PER2: variants seen among roughly 807,000 people sequenced by gnomAD.
PER2 encodes period circadian protein homolog 2.
A neutral mutation model predicts 121.0 loss-of-function variants in PER2; 66 were observed. The ratio of observed to expected loss-of-function variants is 0.55; its 90% CI spans 0.45 to 0.67. The LOEUF is 0.67. PER2 is among the 30% of genes least tolerant of loss of function. PER2 has a pLI of 0.00. For synonymous variants in PER2, 684 were observed against 659.9 expected, an observed-to-expected ratio of 1.04 and a Z score of -0.56; for missense variants, 1,521 against 1,635.0, an observed-to-expected ratio of 0.93 and a Z score of 1.20.
At position 238,277,877 on chromosome 2, in the gene PER2, C is replaced by T. The variant is rs1696505243; in HGVS notation, c.60G>A (p.Glu20=). The T allele has an allele frequency of 4.3e-6, 7 of 1,614,166 alleles. No homozygotes were observed. The highest frequency in any genetic ancestry group is 5.1e-6 in the Non-Finnish European group (6 of 1,180,032). The stretch of plus-strand genomic sequence containing the variant: ...GCAGTGGGACCTGGCTGGGCTGGGG[C>T]TCCACGGGCTCCTTGGTGGGGTTAC... ...SPSNPTKEPV[E]PQPSQVPLQE... The change falls in exon 2 of 23, where the codon GAG becomes GAA. Residue 20 remains glutamate, a synonymous_variant. Transcript: ENST00000254657.
rs147018891 is a variant in PER2, at chr2:238,273,130, C to T, written c.510G>A (p.Val170=). 26 of 1,612,724 alleles carry T rather than the reference C, an allele frequency of 1.6e-5. No homozygotes were observed. The African/African-American group carries it at 2.9e-4, about 18-fold the overall frequency. ...CCATCTCCTCCACGGTGTAGGAGGG[C>T]ACGTCTGCTCCACAGGGGTGACCCT... ...SSEGHPCGAD[V]PSYTVEEMES... The change falls in exon 5 of 23, where the codon GTG becomes GTA. Residue 170 remains valine (V), a synonymous_variant. Coordinates refer to ENST00000254657, the MANE Select transcript of PER2 (RefSeq NM_022817.3).
intron 11 of PER2, 35 bp from the exon 12 acceptor site, chr2:238,261,872 C>A (rs375864702): frequency 6.9e-7 from 1 of 1,456,346 alleles, no homozygotes; most frequent in African/African-American, 1.4e-5. Context: ...TAGATGGGGC[C>A]CCACAGGAGG....
intron 1 of PER2, among the ~76,000 whole-genome samples, chr2:238,282,993 C>A (rs1022925271): frequency 3.3e-5 from 5 of 152,234 alleles, no homozygotes; most frequent in Admixed American, 1.3e-4. Flanking sequence ...GAGGCTGGCA[C>A]TGGGCATCTC....
At position 238,268,510 on chromosome 2, in the gene PER2, G is replaced by C. The variant is rs1402709232; in HGVS notation, c.825-312C>G. 2.6e-5 allele frequency among the ~76,000 whole-genome samples: 4 copies of C among 152,226 alleles called. No homozygotes were observed. The highest frequency in any genetic ancestry group is 9.6e-5 in the African/African-American group (4 of 41,454). On this transcript the variant is annotated intron_variant, in intron 7 of 22. Coordinates refer to ENST00000254657, the MANE Select transcript of PER2 (RefSeq NM_022817.3). This position sits in a 1 kb window ranked among gnomAD's most constrained non-coding sequence, Gnocchi z 4.0. ...GGCCCTGACTCCTGAGGGTGCCAGG[G>C]TCTGGCTCGGGGTCACTCCTGACAG...
At chr2:238,288,980 T>A (rs997180920), upstream of PER2, 7 of 152,206 alleles carry the variant, frequency 4.6e-5, no homozygotes, top group Non-Finnish European at 2.9e-5. Flanking sequence ...GGTTCCTCAA[T>A]GGAGACGCGG....
At chr2:238,292,908 T>C (rs1696971977), upstream of PER2, among the ~76,000 whole-genome samples, 1 of 152,082 alleles carries the variant, frequency 6.6e-6, no homozygotes, top group South Asian at 2.1e-4. Flanking sequence ...CAGCTAATTT[T>C]TGTATTTTCA....
At chr2:238,289,529 A>T (rs1223713790), upstream of PER2, 3 of 152,258 alleles carry the variant, frequency 2.0e-5, no homozygotes, top group Admixed American at 1.3e-4. Flanking sequence ...GAAAGAAATG[A>T]TGTTGTCCCT....
chr2:238,258,337 G>A lies in PER2; in HGVS notation c.1839C>T (p.Val613=). The A allele has an allele frequency of 1.2e-6, 2 of 1,614,212 alleles. No individual in the cohort carries two copies. The highest frequency in any genetic ancestry group is 1.3e-5 in the African/African-American group (1 of 75,056). The change falls in exon 16 of 23, where the codon GTC becomes GTT. Residue 613 remains valine, a synonymous_variant. Transcript: ENST00000254657. ...LKRKCEFPAN[V]PALRSSDKRK... is the part of the protein sequence containing the mutation. ...GCTTATCACTGGACCTTAGCGCTGG[G>A]ACGTTTGCTGGGAACTCGCATTTCC...
In PER2 at chr2:238,253,477, G is replaced by A; in HGVS notation, c.2546C>T (p.Pro849Leu). The A allele has an allele frequency of 6.2e-7, 1 of 1,613,036 alleles. No homozygotes were observed. The highest frequency in any genetic ancestry group is 2.2e-5 in the East Asian group (1 of 44,866). Residue 849 changes from proline to leucine, a missense_variant, in exon 19 of 23, where the codon CCA becomes CTA. By Grantham distance (98) the Pro-to-Leu change is moderately conservative. Transcript: ENST00000254657. The surrounding 1 kb of genome is among the most constrained non-coding windows in gnomAD (Gnocchi z 5.6). ...SSCPAVPFPA[P>L]VPAAYSLPVF... The stretch of plus-strand genomic sequence containing the variant: ...GGGCAGTGAATAAGCTGCTGGCACT[G>A]GGGCGGGAAAGGGCACGGCTGGGCA...
At chr2:238,275,546 G>C (rs1194676047) in intron 4 of PER2, among the ~76,000 whole-genome samples, 197 bp downstream of exon 4, 2 of 152,214 alleles carry the variant, frequency 1.3e-5, no homozygotes, top group African/African-American at 4.8e-5. Flanking sequence ...AGAATTAGCT[G>C]GGCGTGGTGG....
chr2:238,244,551 G>A lies in PER2; in HGVS notation c.*1824C>T, dbSNP rs1027670244. ...CATGATCTGACTTTAGAGGCAAGGA[G>A]TTTGTAACATCTAATGGCCATAAGA... is the stretch of plus-strand genomic sequence containing the variant. On this transcript the variant is annotated 3_prime_UTR_variant, in exon 23 of 23. Coordinates refer to ENST00000254657, the MANE Select transcript of PER2 (RefSeq NM_022817.3). 3.9e-5 allele frequency: 6 copies of A among 152,200 alleles called. No individual in the cohort carries two copies. Among genetic ancestry groups the A allele is most frequent in the South Asian group, 2.1e-4 (1 of 4,826 alleles). The allele number at this position is 152,200 out of a possible 1,614,324, so 9.4% of individuals were successfully genotyped here.
At chr2:238,298,034 T>TTG in the PER2 span, among the ~76,000 whole-genome samples, 1 of 148,728 alleles carries the variant, frequency 6.7e-6, no homozygotes, top group South Asian at 2.1e-4. Flanking sequence ...TTTTGTTCTT[T>TTG]TTTTTTTTTT....
intron 1 of PER2, among the ~76,000 whole-genome samples, chr2:238,284,667 C>T (rs1292131932): frequency 6.6e-6 from 1 of 152,194 alleles, no homozygotes; most frequent in African/African-American, 2.4e-5. Flanking sequence ...TTGCACGTAG[C>T]TCTCCTGGTT....
Position 238,252,548 on chromosome 2 carries a change from G to A in PER2, c.3111+364C>T, listed in dbSNP as rs746583016. ...ACCGGGGCCACCTGAGCCAGGCTCC[G>A]GCGCCACACCCTGAGGAGCCCTAGC... On this transcript the variant is annotated intron_variant, in intron 19 of 22. Coordinates refer to ENST00000254657, the MANE Select transcript of PER2 (RefSeq NM_022817.3). This position sits in a 1 kb window ranked among gnomAD's most constrained non-coding sequence, Gnocchi z 4.2. Among the ~76,000 whole-genome samples, 7 of 152,184 alleles carry A rather than the reference G, an allele frequency of 4.6e-5. No homozygotes were observed. Among genetic ancestry groups the A allele is most frequent in the Non-Finnish European group, 7.3e-5 (5 of 68,044 alleles).
At chr2:238,290,388 A>G (rs575588559), upstream of PER2, among the ~76,000 whole-genome samples, 1 of 150,150 alleles carries the variant, frequency 6.7e-6, no homozygotes, top group African/African-American at 2.5e-5. Context: ...CTTCCCTCCC[A>G]TTGACGTCAA....
intron 2 of PER2, 67 bp from the exon 3 acceptor site, chr2:238,277,260 A>G: frequency 9.7e-7 from 1 of 1,032,646 alleles, no homozygotes; most frequent in Non-Finnish European, 1.5e-6. Flanking sequence ...TTCCCCTGCC[A>G]TCCTACCAGT....
the PER2 span, among the ~76,000 whole-genome samples, chr2:238,296,787 G>C: frequency 6.6e-6 from 1 of 152,358 alleles, no homozygotes; most frequent in South Asian, 2.1e-4. Context: ...CCCAGGGGGG[G>C]TTCCCTGAGA....
At chr2:238,291,087 A>T (rs185224317), upstream of PER2, among the ~76,000 whole-genome samples, 1 of 152,298 alleles carries the variant, frequency 6.6e-6, no homozygotes, top group African/African-American at 2.4e-5. Flanking sequence ...GAGCTCTTGG[A>T]TAGGGGAATT....
At chr2:238,261,611 GA>G (rs1218098637) in intron 12 of PER2, 117 bp downstream of exon 12, 1 of 724,464 alleles carries the variant, frequency 1.4e-6, no homozygotes, top group Non-Finnish European at 2.5e-6. Flanking sequence ...GATGTTCAGA[GA>G]ATGACAGATG....
Sources: gnomAD v4.1 joint callset for allele counts (sites outside exome capture counted in the v4.1 genomes callset) on GRCh38, gnomAD v4.1.1 for gene constraint, Gnocchi (gnomAD v3.1) non-coding constraint, MANE v1.5 for transcripts, NCBI Gene and HGNC (gene_info 2026-07-23, HGNC 2026-07-21) for gene names.